The following BRWD3 variants were observed in gnomAD, a reference collection of about 807,000 sequenced individuals.
BRWD3 encodes the protein bromodomain and WD repeat domain containing 3.
BRWD3 carries 10 observed loss-of-function variants against 149.7 expected under a neutral mutation model. The ratio of observed to expected loss-of-function variants is 0.07; its 90% CI spans 0.04 to 0.11. The LOEUF (loss-of-function observed/expected upper bound fraction) is 0.11, where lower values mean the gene tolerates loss of function less well. Among genes scored for constraint, BRWD3 ranks in the 10% least tolerant of loss-of-function variants. The pLI is 1.00. For missense variants in BRWD3, 940 were observed against 1,373.2 expected (o/e 0.68, Z 4.99); for synonymous variants, 504 against 456.7 (o/e 1.10, Z -1.32).
At chrX:80,804,452 G>A (rs1302551566) in intron 4 of BRWD3, among the ~76,000 whole-genome samples, 1 of 110,883 alleles carries the variant, frequency 9.0e-6, no homozygotes, top group African/African-American at 3.3e-5. Context: ...TGGCCAGGCT[G>A]GTCTTGAACT....
At chrX:80,723,687 C>T in intron 16 of BRWD3, 61 bp downstream of exon 16, 1 of 1,175,025 alleles carries the variant, frequency 8.5e-7, no homozygotes, top group Middle Eastern at 2.4e-4. Flanking sequence ...GGGCTTTAAA[C>T]AAAATTTGTG....
chrX:80,720,696 TGTATA>T (rs1430564737), intron 17 of BRWD3, among the ~76,000 whole-genome samples: 1 of 111,983 alleles, frequency 8.9e-6, no homozygotes, highest in African/African-American at 3.2e-5. Flanking sequence ...TGTACAGTAT[TGTATA>T]GTAATGTTCT....
At chrX:80,709,385 G>A (rs368237825) in intron 21 of BRWD3, 43 bp downstream of exon 21, 2 of 1,151,207 alleles carry the variant, frequency 1.7e-6, no homozygotes, top group African/African-American at 1.8e-5. Context: ...TACAAACTGG[G>A]AAACAAAAAA....
intron 20 of BRWD3, among the ~76,000 whole-genome samples, chrX:80,713,953 C>G (rs1397696206): frequency 9.0e-6 from 1 of 111,486 alleles, no homozygotes; most frequent in Non-Finnish European, 1.9e-5. Flanking sequence ...CTGACTTTGG[C>G]ATAGCATCAC....
intron 28 of BRWD3, among the ~76,000 whole-genome samples, 179 bp downstream of exon 28, chrX:80,692,756 ACTTTG>A (rs935022818): frequency 2.7e-5 from 3 of 111,963 alleles, no homozygotes; most frequent in Non-Finnish European, 5.6e-5. Context: ...AAAACAAAGA[ACTTTG>A]CTTTGACTAA....
chrX:80,724,331 A>G (rs2073189766), intron 15 of BRWD3, among the ~76,000 whole-genome samples: 1 of 111,511 alleles, frequency 9.0e-6, no homozygotes, highest in Non-Finnish European at 1.9e-5. Context: ...ATAAAAGTAA[A>G]CTCAAAGAGC....
chrX:80,789,627 C>T (rs1377829626), intron 6 of BRWD3, among the ~76,000 whole-genome samples: 2 of 110,519 alleles, frequency 1.8e-5, no homozygotes, highest in Non-Finnish European at 3.8e-5. Context: ...CCACCCACCT[C>T]GGCCTCCCAA....
intron 35 of BRWD3, among the ~76,000 whole-genome samples, chrX:80,685,767 A>G (rs2072512831): frequency 8.9e-6 from 1 of 111,925 alleles, no homozygotes; most frequent in Non-Finnish European, 1.9e-5. Flanking sequence ...TGTTGAACAC[A>G]ATCTCGTTCC....
Position 80,709,496 on chromosome X carries a change from T to C in BRWD3, c.2407A>G (p.Ile803Val), listed in dbSNP as rs1336828497. 3.3e-6 allele frequency: 4 copies of C among 1,207,928 alleles called. No individual in the cohort carries two copies. Among genetic ancestry groups the C allele is most frequent in the African/African-American group, 1.8e-5 (1 of 57,012 alleles). The part of the protein sequence containing the change: ...RQHTYQTRSN[I>V]EHNSQASCQN... ...CATGATGCCTGTGAATTATGCTCTA[T>C]GTTGGACCGTGTTTGGTAAGTATGC... is the stretch of plus-strand genomic sequence containing the variant. Residue 803 changes from isoleucine to valine, a missense_variant, in exon 21 of 41, where the codon ATA becomes GTA. Physicochemically the swap from Ile to Val is conservative, Grantham distance 29 (BLOSUM62 3). Around this residue, in one of 6 missense-constraint regions of BRWD3, gnomAD observed 103 missense variants for 103.2 expected, o/e 1.00. Coordinates refer to ENST00000373275, the MANE Select transcript of BRWD3 (RefSeq NM_153252.5).
intron 25 of BRWD3, among the ~76,000 whole-genome samples, chrX:80,698,537 C>T (rs765726246): frequency 2.1e-4 from 23 of 109,391 alleles, no homozygotes; most frequent in Admixed American, 2.1e-3. Flanking sequence ...GGTGAAACCC[C>T]ATCTCTACTA....
intron 6 of BRWD3, among the ~76,000 whole-genome samples, chrX:80,754,956 C>T (rs980361477): frequency 1.8e-5 from 2 of 111,089 alleles, no homozygotes; most frequent in Admixed American, 9.6e-5. Context: ...TGCAGTAAGC[C>T]GAGATGGCGC....
chrX:80,728,769 G>A lies in BRWD3; in HGVS notation c.1369C>T (p.Leu457Phe). ...ATACTTACAGATAATGTATGAAGAA[G>A]CTGTCCTGTGATAGAATTCCACACT... is the stretch of plus-strand genomic sequence containing the variant. ...LKVWNSITGQ[L>F]LHTLSGHDDE... Residue 457 changes from leucine (L) to phenylalanine (F), a missense_variant, in exon 14 of 41, where the codon CTT becomes TTT. This residue lies in a region of BRWD3 where 209 missense variants were observed against 396.8 expected (regional missense o/e 0.53). Coordinates refer to ENST00000373275, the MANE Select transcript of BRWD3 (RefSeq NM_153252.5). 8.3e-7 allele frequency: 1 copy of A among 1,203,515 alleles called. No individual in the cohort carries two copies. Among genetic ancestry groups the A allele is most frequent in the Non-Finnish European group, 1.1e-6 (1 of 889,121 alleles).
chrX:80,777,702 ATTTT>A (rs994796486), intron 6 of BRWD3, among the ~76,000 whole-genome samples: 1 of 111,762 alleles, frequency 8.9e-6, no homozygotes, highest in East Asian at 2.8e-4. Flanking sequence ...CCGGCCTCTG[ATTTT>A]TTTAATACAA....
chrX:80,729,498 G>C (rs1245975813), intron 13 of BRWD3, among the ~76,000 whole-genome samples: 1 of 111,372 alleles, frequency 9.0e-6, no homozygotes, highest in Non-Finnish European at 1.9e-5. Flanking sequence ...CTGATTAAGT[G>C]GATATTTATT....
At chrX:80,760,997 T>A (rs767835399) in intron 6 of BRWD3, among the ~76,000 whole-genome samples, 2 of 111,218 alleles carry the variant, frequency 1.8e-5, no homozygotes, top group African/African-American at 3.3e-5. Context: ...CAGTGAACTA[T>A]GATCTTGTCA....
At position 80,688,054 on chromosome X, in the gene BRWD3, C is replaced by G; in HGVS notation, c.3864+15G>C. ...CTGAAAACATATCTCCTCAGCAGTT[C>G]ACTTATTTACTCACCTTTCTTCCAG... On this transcript the variant is annotated intron_variant, in intron 34 of 40. Transcript: ENST00000373275. The G allele has an allele frequency of 8.5e-7, 1 of 1,176,019 alleles. No individual in the cohort carries two copies. Among genetic ancestry groups the G allele is most frequent in the Non-Finnish European group, 1.2e-6 (1 of 863,268 alleles).
In BRWD3 at chrX:80,809,615, C is replaced by G. The variant is rs965594667; in HGVS notation, c.-144G>C. On this transcript the variant is annotated 5_prime_UTR_variant, in exon 1 of 41. Coordinates refer to ENST00000373275, the MANE Select transcript of BRWD3 (RefSeq NM_153252.5). Reference sequence around the variant, plus strand: ...TCCTCGTCCTAGTTTCGCTCTCTCTCGAATTCATCGCATCACGTTTCGACC... The same window carrying G: ...TCCTCGTCCTAGTTTCGCTCTCTCTGGAATTCATCGCATCACGTTTCGACC... 1.1e-5 allele frequency: 5 copies of G among 450,839 alleles called. No homozygotes were observed. Among genetic ancestry groups the G allele is most frequent in the Admixed American group, 8.2e-5 (2 of 24,466 alleles). 37.2% of individuals were successfully genotyped at this position (450,839 alleles called of 1,213,427 possible). A position where few individuals can be genotyped will look rare whatever the true frequency, so the allele number is the denominator to read the frequency against.
intron 6 of BRWD3, among the ~76,000 whole-genome samples, chrX:80,774,633 C>A (rs899387187): frequency 8.9e-6 from 1 of 111,949 alleles, no homozygotes; most frequent in African/African-American, 3.2e-5. Context: ...AGGAAGATTT[C>A]CCAAATCAAG....
rs1308998449 is a variant in BRWD3, at chrX:80,674,928, T to A, written c.*1681A>T. 8.9e-6 allele frequency: 1 copy of A among 111,870 alleles called. No individual in the cohort carries two copies. The highest frequency in any genetic ancestry group is 9.5e-5 in the Admixed American group (1 of 10,530). The allele number at this position is 111,870 out of a possible 1,213,427, so 9.2% of individuals were successfully genotyped here. The stretch of plus-strand genomic sequence containing the variant: ...CAGATGCATGAAATGATTGAAAGCA[T>A]GAGACAAACACATTAGCTTAAGAAA... On this transcript the variant is annotated 3_prime_UTR_variant, in exon 41 of 41. Transcript: ENST00000373275.
Sources: allele counts gnomAD v4.1 joint callset (sites outside exome capture counted in the v4.1 genomes callset), GRCh38; gene constraint gnomAD v4.1.1; regional missense constraint gnomAD v4.1.1; transcripts MANE v1.5; gene names NCBI Gene and HGNC (gene_info 2026-07-23, HGNC 2026-07-21).